SPIN1: variants seen among roughly 807,000 people sequenced by gnomAD.
SPIN1 encodes the protein spindlin 1.
A neutral mutation model predicts 26.0 loss-of-function variants in SPIN1; 3 were observed. The ratio of observed to expected loss-of-function variants is 0.12; its 90% CI spans 0.05 to 0.30. The LOEUF is 0.30. Ranked by LOEUF, SPIN1 falls within the 10% of genes least tolerant of loss-of-function variation. SPIN1 has a pLI of 1.00. For missense variants in SPIN1, 126 were observed against 333.4 expected (o/e 0.38, Z 4.84); for synonymous variants, 101 against 116.5 (o/e 0.87, Z 0.86).
At position 88,462,594 on chromosome 9, in the gene SPIN1, G is replaced by C; in HGVS notation, c.200G>C (p.Gly67Ala). 1 of 1,614,108 alleles carries C rather than the reference G, an allele frequency of 6.2e-7. No individual in the cohort carries two copies. Among genetic ancestry groups the C allele is most frequent in the Non-Finnish European group, 8.5e-7 (1 of 1,180,020 alleles). The change falls in exon 4 of 6, where the codon GGC becomes GCC. Residue 67 changes from glycine (G) to alanine (A), a missense_variant. Physicochemically the swap from Gly to Ala is moderately conservative, Grantham distance 60. Around this residue, in one of 7 missense-constraint regions of SPIN1, gnomAD observed 63 missense variants for 101.3 expected, o/e 0.62. Coordinates refer to ENST00000375859, the MANE Select transcript of SPIN1 (RefSeq NM_006717.3). ...RIQHGWKEGN[G>A]PVTQWKGTVL... ...CAGCATGGGTGGAAAGAGGGGAATGGCCCTGTTACCCAGTGGAAAGGAACC... is the reference window on the plus strand; with the variant it reads ...CAGCATGGGTGGAAAGAGGGGAATGCCCCTGTTACCCAGTGGAAAGGAACC...
At chr9:88,403,887 C>T (rs532555641) in intron 1 of SPIN1, among the ~76,000 whole-genome samples, 3 of 152,072 alleles carry the variant, frequency 2.0e-5, no homozygotes, top group South Asian at 2.1e-4. Context: ...CTTATTTTTC[C>T]AGCATGTGTT....
chr9:88,418,420 A>G (rs1398621094), intron 1 of SPIN1, among the ~76,000 whole-genome samples: 1 of 152,222 alleles, frequency 6.6e-6, no homozygotes, highest in Non-Finnish European at 1.5e-5. Flanking sequence ...TTGCATACCA[A>G]GGTAACAGTT....
chr9:88,389,286 C>T (rs544276662), intron 1 of SPIN1: 1 of 152,210 alleles, frequency 6.6e-6, no homozygotes, highest in Non-Finnish European at 1.5e-5. Context: ...TCGTGAGTGA[C>T]CTTGGGTGTA....
At chr9:88,441,431 A>ATGTGTGTGTGTG (rs927476863) in intron 2 of SPIN1, among the ~76,000 whole-genome samples, 6 of 93,334 alleles carry the variant, frequency 6.4e-5, no homozygotes, top group African/African-American at 6.4e-4. Flanking sequence ...GCGCGCGCCC[A>ATGTGTGTGTGTG]TGTGTGTGTA....
At chr9:88,418,455 A>T (rs1827610939) in intron 1 of SPIN1, among the ~76,000 whole-genome samples, 1 of 152,176 alleles carries the variant, frequency 6.6e-6, no homozygotes, top group African/African-American at 2.4e-5. Context: ...TGACAGCCCA[A>T]GCTTCAGTTT....
chr9:88,456,142 C>A (rs1318492102), intron 3 of SPIN1, among the ~76,000 whole-genome samples: 2 of 152,122 alleles, frequency 1.3e-5, no homozygotes, highest in African/African-American at 4.8e-5. Context: ...ACAATGGAAA[C>A]TCCACATGGT....
intron 1 of SPIN1, among the ~76,000 whole-genome samples, chr9:88,415,135 A>T (rs1157472473): frequency 6.6e-6 from 1 of 151,948 alleles, no homozygotes; most frequent in African/African-American, 2.4e-5. Context: ...CAATCTCCTG[A>T]CCTTGTGATC....
At chr9:88,399,395 C>G (rs556904386) in intron 1 of SPIN1, among the ~76,000 whole-genome samples, 6 of 152,214 alleles carry the variant, frequency 3.9e-5, no homozygotes, top group Admixed American at 2.6e-4. Flanking sequence ...GTCCACAGGG[C>G]AGTCATTTGA....
At chr9:88,469,282 T>C (rs1828732033) in intron 5 of SPIN1, among the ~76,000 whole-genome samples, 1 of 152,230 alleles carries the variant, frequency 6.6e-6, no homozygotes, top group African/African-American at 2.4e-5. Flanking sequence ...GTGCTCTCTT[T>C]GCCGCTGCTC....
At chr9:88,404,743 CT>C (rs1827258355) in intron 1 of SPIN1, among the ~76,000 whole-genome samples, 1 of 151,948 alleles carries the variant, frequency 6.6e-6, no homozygotes, top group Non-Finnish European at 1.5e-5. Context: ...TGGTGAAACC[CT>C]GTCTCTACTA....
chr9:88,431,085 A>G lies in SPIN1; in HGVS notation c.52+4494A>G, dbSNP rs962850529. On this transcript the variant is annotated intron_variant, in intron 2 of 5. Coordinates refer to ENST00000375859, the MANE Select transcript of SPIN1 (RefSeq NM_006717.3). ...TTTTTAGTAGAGACGGGGTTTTTCCATGTTGGTCAGGCTGATCTTGAACTC... is the reference window on the plus strand; with the variant it reads ...TTTTTAGTAGAGACGGGGTTTTTCCGTGTTGGTCAGGCTGATCTTGAACTC... Among the ~76,000 whole-genome samples, 8 of 151,730 alleles carry G rather than the reference A, an allele frequency of 5.3e-5. No individual in the cohort carries two copies. In the South Asian group the frequency reaches 8.3e-4, roughly 16 times the overall value.
At position 88,407,135 on chromosome 9, in the gene SPIN1, TAAA is replaced by T. The variant is rs397893590; in HGVS notation, c.-159+18617_-159+18619del. The stretch of plus-strand genomic sequence containing the variant: ...GACATGCCTCAAATTGATCTTCCTT[TAAA>T]AAAAAAAAAAAAAAAAAAAGATGGA... On this transcript the variant is annotated intron_variant, in intron 1 of 5. Transcript: ENST00000375859. Among the ~76,000 whole-genome samples the T allele has an allele frequency of 1.4e-3, 173 of 122,712 alleles. 3 individuals are homozygous for T. Among genetic ancestry groups the T allele is most frequent in the African/African-American group, 4.5e-3 (143 of 31,440 alleles). The allele number at this position is 122,712 out of a possible 152,430, so 80.5% of individuals were successfully genotyped here.
rs560499994 is a variant in SPIN1, at chr9:88,452,763, T to TG, written c.101+3775dup. 3.1e-3 allele frequency among the ~76,000 whole-genome samples: 465 copies of TG among 152,350 alleles called. 2 individuals carry two copies. Among genetic ancestry groups the TG allele is most frequent in the African/African-American group, 0.01 (434 of 41,578 alleles). ...GAACTTTTATTGAATAACAGTTACC[T>TG]GCAAAGCAGGTTTTTTTCTCTCTTT... On this transcript the variant is annotated intron_variant, in intron 3 of 5. Coordinates refer to ENST00000375859, the MANE Select transcript of SPIN1 (RefSeq NM_006717.3).
intron 2 of SPIN1, among the ~76,000 whole-genome samples, chr9:88,448,124 A>G (rs1828287436): frequency 6.6e-6 from 1 of 150,526 alleles, no homozygotes. Context: ...GCTCACTGCA[A>G]CCTCCACCTC....
chr9:88,437,123 T>C (rs12346039), intron 2 of SPIN1, among the ~76,000 whole-genome samples: 29,208 of 151,964 alleles, frequency 0.19, 3,706 homozygotes, highest in African/African-American at 0.36. Flanking sequence ...AATAATCTAC[T>C]GTTTGGATGC....
intron 1 of SPIN1, among the ~76,000 whole-genome samples, chr9:88,424,421 G>A (rs894775736): frequency 1.3e-5 from 2 of 152,108 alleles, no homozygotes; most frequent in Middle Eastern, 3.2e-3. Flanking sequence ...TCTAGGAAGG[G>A]ATTTGGGTTA....
At chr9:88,424,704 G>C (rs576707724) in intron 1 of SPIN1, among the ~76,000 whole-genome samples, 2 of 152,286 alleles carry the variant, frequency 1.3e-5, no homozygotes, top group South Asian at 2.1e-4. Context: ...TTGAAATAAA[G>C]GTTTTGGGAT....
intron 2 of SPIN1, among the ~76,000 whole-genome samples, chr9:88,432,411 C>T (rs967437756): frequency 2.0e-5 from 3 of 151,886 alleles, no homozygotes; most frequent in Non-Finnish European, 2.9e-5. Flanking sequence ...TGGTCTCGAA[C>T]TCCTGACCTC....
intron 1 of SPIN1, among the ~76,000 whole-genome samples, 170 bp downstream of exon 1, chr9:88,388,708 G>T (rs1463330119): frequency 6.7e-6 from 1 of 148,708 alleles, no homozygotes; most frequent in Non-Finnish European, 1.5e-5. Context: ...CTGGGCCGCG[G>T]CGGGGACCCG....
Sources: allele counts gnomAD v4.1 joint callset (sites outside exome capture counted in the v4.1 genomes callset), GRCh38; gene constraint gnomAD v4.1.1; regional missense constraint gnomAD v4.1.1; transcripts MANE v1.5; gene names NCBI Gene and HGNC (gene_info 2026-07-23, HGNC 2026-07-21).